The following CHD2 variants were observed in gnomAD, a reference collection of about 807,000 sequenced individuals.
CHD2 encodes ATP-dependent chromatin remodeler CHD2.
A neutral mutation model predicts 243.9 loss-of-function variants in CHD2; 28 were observed. The ratio of observed to expected loss-of-function variants is 0.11; its 90% CI spans 0.09 to 0.16. The LOEUF (loss-of-function observed/expected upper bound fraction) is 0.16, where lower values mean the gene tolerates loss of function less well. Ranked by LOEUF, CHD2 falls within the 10% of genes least tolerant of loss-of-function variation. The probability of loss-of-function intolerance (pLI) is 1.00; values close to 1 mark genes in which losing one functional copy is unlikely to be tolerated. For synonymous variants in CHD2, 775 were observed against 779.0 expected, an observed-to-expected ratio of 0.99 and a Z score of 0.09; for missense variants, 1,386 against 2,209.8, an observed-to-expected ratio of 0.63 and a Z score of 7.47.
intron 6 of CHD2, among the ~76,000 whole-genome samples, chr15:92,938,770 T>G (rs7166161): frequency 0.1 from 15,360 of 152,242 alleles, 960 homozygotes; most frequent in Middle Eastern, 0.18. Flanking sequence ...TTTCACCTTT[T>G]TATCACTGAT....
In CHD2 at chr15:92,998,860, G is replaced by C. The variant is rs1386048087; in HGVS notation, c.4008+239G>C. 2.6e-5 allele frequency among the ~76,000 whole-genome samples: 4 copies of C among 152,094 alleles called. No individual in the cohort carries two copies. Among genetic ancestry groups the C allele is most frequent in the South Asian group, 2.1e-4 (1 of 4,812 alleles). On this transcript the variant is annotated intron_variant, in intron 31 of 38. Coordinates refer to ENST00000394196, the MANE Select transcript of CHD2 (RefSeq NM_001271.4). This position sits in a 1 kb window ranked among gnomAD's most constrained non-coding sequence, Gnocchi z 5.1. Reference sequence around the variant, plus strand: ...GCACTTTGGGAGGCTGAGGCGGGCGGATCACAAGGTCAGGAGATTGAGACC... The same window carrying C: ...GCACTTTGGGAGGCTGAGGCGGGCGCATCACAAGGTCAGGAGATTGAGACC...
intron 6 of CHD2, among the ~76,000 whole-genome samples, chr15:92,939,303 C>G (rs1295314032): frequency 6.6e-6 from 1 of 152,168 alleles, no homozygotes; most frequent in Admixed American, 6.5e-5. Flanking sequence ...GTTTTTATAT[C>G]AGGTAATCCT....
chr15:93,017,484 C>A (rs2054477923), intron 37 of CHD2, among the ~76,000 whole-genome samples: 1 of 148,150 alleles, frequency 6.7e-6, no homozygotes, highest in Non-Finnish European at 1.5e-5. Context: ...CACCACCATG[C>A]CGGGCTAATT....
At chr15:93,002,527 A>C (rs953430132) in intron 33 of CHD2, among the ~76,000 whole-genome samples, 1 of 152,202 alleles carries the variant, frequency 6.6e-6, no homozygotes, top group African/African-American at 2.4e-5. Context: ...TTAAAAAAGA[A>C]GGCCTTTACT....
intron 10 of CHD2, 77 bp downstream of exon 10, chr15:92,944,592 T>C: frequency 1.5e-6 from 1 of 688,860 alleles, no homozygotes; most frequent in Non-Finnish European, 2.4e-6. Context: ...GTAATGTAAA[T>C]TTTAAAAATG....
At chr15:92,933,082 C>T (rs1166076809) in intron 5 of CHD2, among the ~76,000 whole-genome samples, 1 of 149,874 alleles carries the variant, frequency 6.7e-6, no homozygotes, top group African/African-American at 2.5e-5. Flanking sequence ...ACAGGGTCTT[C>T]CTCTATTGGT....
At chr15:92,954,846 AGTCTTC>A (rs2053598877) in intron 14 of CHD2, among the ~76,000 whole-genome samples, 1 of 152,144 alleles carries the variant, frequency 6.6e-6, no homozygotes, top group South Asian at 2.1e-4. Context: ...CGTTGTCATG[AGTCTTC>A]GTGCTTGCTG....
intron 26 of CHD2, among the ~76,000 whole-genome samples, chr15:92,988,082 CT>C (rs61247385): frequency 0.2 from 29,538 of 146,572 alleles, 3,552 homozygotes; most frequent in Middle Eastern, 0.31. Context: ...TTAGTTGTCT[CT>C]TTTTTTTTTT....
Position 93,024,836 on chromosome 15 carries a change from G to C in CHD2, c.*131G>C, listed in dbSNP as rs2054573191. ...TGCTGCTGCTGTCAACTCACTGGCT[G>C]AAGGAGCACTTCAAGGAATGGGAGG... On this transcript the variant is annotated 3_prime_UTR_variant, in exon 39 of 39. Transcript: ENST00000394196. 9 of 770,506 alleles carry C rather than the reference G, an allele frequency of 1.2e-5. No homozygotes were observed. The highest frequency in any genetic ancestry group is 1.8e-5 in the Non-Finnish European group (9 of 489,682). The allele number at this position is 770,506 out of a possible 1,614,324, so 47.7% of individuals were successfully genotyped here.
Position 93,014,763 on chromosome 15 carries a change from G to T in CHD2, c.4760G>T (p.Ser1587Ile). 1 of 1,614,142 alleles carries T rather than the reference G, an allele frequency of 6.2e-7. No individual in the cohort carries two copies. The highest frequency in any genetic ancestry group is 8.5e-7 in the Non-Finnish European group (1 of 1,180,024). Residue 1587 changes from serine to isoleucine, a missense_variant, in exon 37 of 39, where the codon AGC (serine) becomes ATC (isoleucine). This residue lies in a region of CHD2 where 347 missense variants were observed against 341.6 expected (regional missense o/e 1.02). Coordinates refer to ENST00000394196, the MANE Select transcript of CHD2 (RefSeq NM_001271.4). The part of the protein sequence containing the change: ...KPFRPEASGS[S>I]RDSLISQSHT... ...TTTCGTCCAGAGGCCTCAGGCTCCA[G>T]CCGGGACTCTCTGATATCTCAGTCC...
chr15:92,906,400 C>T (rs984235361), intron 2 of CHD2, among the ~76,000 whole-genome samples: 4 of 152,146 alleles, frequency 2.6e-5, no homozygotes, highest in African/African-American at 9.7e-5. Context: ...TTGGTTGTGA[C>T]AGTTGTAGCA....
rs78192422 is a variant in CHD2 at position 93,012,643 on chromosome 15, T to A, written c.4692+199T>A. Among the ~76,000 whole-genome samples the A allele has an allele frequency of 0.018, 2,704 of 152,238 alleles. 92 individuals are homozygous for A. The highest frequency in any genetic ancestry group is 0.06 in the African/African-American group (2,479 of 41,564). The stretch of plus-strand genomic sequence containing the variant: ...ATGGTTGAAATTCTGACAAAGAGTG[T>A]TTACCCTGTGTTTTTAGGTCCTAAA... On this transcript the variant is annotated intron_variant, in intron 36 of 38. Transcript: ENST00000394196.
chr15:92,935,803 G>C (rs991039347), intron 5 of CHD2, among the ~76,000 whole-genome samples: 20 of 152,174 alleles, frequency 1.3e-4, no homozygotes, highest in African/African-American at 4.8e-4. Flanking sequence ...CCAGTGTCCA[G>C]AGTGTATATA....
At chr15:92,901,138 G>C (rs1244774166) in intron 1 of CHD2, 29 bp from the exon 2 acceptor site, 4 of 723,824 alleles carry the variant, frequency 5.5e-6, no homozygotes. Flanking sequence ...TAGAAGCCGG[G>C]ACCTTACCTT....
chr15:92,930,467 CTG>C (rs1296610502), intron 5 of CHD2, among the ~76,000 whole-genome samples: 2 of 152,230 alleles, frequency 1.3e-5, no homozygotes, highest in East Asian at 1.9e-4. Context: ...GGGTCTCACT[CTG>C]TTGCTCAGGC....
chr15:92,980,579 C>G (rs554055022), intron 22 of CHD2, among the ~76,000 whole-genome samples: 1 of 152,212 alleles, frequency 6.6e-6, no homozygotes, highest in East Asian at 1.9e-4. Context: ...TCTGGCTTAC[C>G]CATGCAATAG....
intron 14 of CHD2, chr15:92,954,387 A>G (rs904915034): frequency 2.0e-5 from 3 of 152,190 alleles, no homozygotes; most frequent in Non-Finnish European, 4.4e-5. Context: ...TATATAAACT[A>G]TTTCTGGGAA....
Position 93,024,602 on chromosome 15 carries a change from C to T in CHD2, c.5384C>T (p.Ser1795Phe), listed in dbSNP as rs780147761. ...SDPRSPPSQKSPHDSKSPLDH... is the reference protein window; with the variant it reads ...SDPRSPPSQKFPHDSKSPLDH... The stretch of plus-strand genomic sequence containing the variant: ...CCTCGCTCACCCCCTTCTCAGAAAT[C>T]TCCTCACGATTCCAAGTCACCCCTG... Residue 1795 changes from serine to phenylalanine, a missense_variant, in exon 39 of 39, where the codon TCT (serine) becomes TTT (phenylalanine). Transcript: ENST00000394196. 6.2e-7 allele frequency: 1 copy of T among 1,614,178 alleles called. No individual in the cohort carries two copies. The highest frequency in any genetic ancestry group is 2.2e-5 in the East Asian group (1 of 44,886).
chr15:92,948,161 C>A (rs2053500159), intron 12 of CHD2, among the ~76,000 whole-genome samples: 1 of 152,156 alleles, frequency 6.6e-6, no homozygotes, highest in South Asian at 2.1e-4. Context: ...AAACAACCTT[C>A]CCTTCAGAAG....
Sources: gnomAD v4.1 joint callset for allele counts (sites outside exome capture counted in the v4.1 genomes callset) on GRCh38, gnomAD v4.1.1 for gene constraint, gnomAD v4.1.1 regional missense constraint, Gnocchi (gnomAD v3.1) non-coding constraint, MANE v1.5 for transcripts, NCBI Gene and HGNC (gene_info 2026-07-23, HGNC 2026-07-21) for gene names.